MYH11: variants seen among roughly 807,000 people sequenced by gnomAD.
The protein encoded by MYH11 is myosin heavy chain 11, also known as myosin-11.
MYH11 carries 80 observed loss-of-function variants against 246.6 expected under a neutral mutation model. The ratio of observed to expected loss-of-function variants is 0.32; its 90% CI spans 0.27 to 0.39. The LOEUF (loss-of-function observed/expected upper bound fraction) is 0.39, where lower values mean the gene tolerates loss of function less well. Among genes scored for constraint, MYH11 ranks in the 10% least tolerant of loss-of-function variants. The probability of loss-of-function intolerance (pLI) is 1.00; values close to 1 mark genes in which losing one functional copy is unlikely to be tolerated. For missense variants in MYH11, 2,158 were observed against 2,546.8 expected, an observed-to-expected ratio of 0.85 and a Z score of 3.29; for synonymous variants, 1,071 against 1,015.5, an observed-to-expected ratio of 1.05 and a Z score of -1.04.
intron 3 of MYH11, among the ~76,000 whole-genome samples, chr16:15,801,943 C>T (rs761384926): frequency 6.6e-6 from 1 of 151,684 alleles, no homozygotes; most frequent in South Asian, 2.1e-4. Flanking sequence ...GGCAACAGAG[C>T]GAGACTCCAA....
chr16:15,794,488 T>C (rs1353072644), intron 4 of MYH11, among the ~76,000 whole-genome samples: 3 of 152,242 alleles, frequency 2.0e-5, no homozygotes, highest in East Asian at 1.9e-4. Context: ...TTCCTAACAA[T>C]GGCTAAGGCC....
At chr16:15,746,913 C>G (rs572724557) in intron 19 of MYH11, among the ~76,000 whole-genome samples, 1 of 152,238 alleles carries the variant, frequency 6.6e-6, no homozygotes, top group East Asian at 1.9e-4. Flanking sequence ...CATGGTGAAA[C>G]TTTGTCTCTA....
At chr16:15,763,741 T>TGGGGGGCCCCCCCCCCCCCCCCCC in intron 10 of MYH11, 55 bp downstream of exon 10, 1 of 646,858 alleles carries the variant, frequency 1.5e-6, no homozygotes, top group African/African-American at 2.1e-5. Flanking sequence ...AAATGTCACC[T>TGGGGGGCCCCCCCCCCCCCCCCCC]CCCCCACCCC....
intron 40 of MYH11, 29 bp from the exon 41 acceptor site, chr16:15,704,152 A>G: frequency 6.2e-7 from 1 of 1,613,270 alleles, no homozygotes; most frequent in East Asian, 2.2e-5. Context: ...CACATTATTT[A>G]GCAAAGAAAT....
intron 2 of MYH11, among the ~76,000 whole-genome samples, chr16:15,826,418 A>G (rs2043566401): frequency 6.6e-6 from 1 of 151,658 alleles, no homozygotes; most frequent in Non-Finnish European, 1.5e-5. Context: ...TGAGACCCCC[A>G]TCTCTATAAG....
At chr16:15,721,809 C>T in intron 31 of MYH11, 175 bp from the exon 32 acceptor site, 1 of 656,120 alleles carries the variant, frequency 1.5e-6, no homozygotes, top group South Asian at 1.8e-5. Context: ...ACTTCTACAT[C>T]AACCTTATGC....
chr16:15,802,689 C>T (rs974138937), intron 3 of MYH11, among the ~76,000 whole-genome samples: 12 of 152,090 alleles, frequency 7.9e-5, no homozygotes, highest in African/African-American at 2.7e-4. Context: ...GCTCAAGTGA[C>T]CCACCTGCCT....
At chr16:15,718,270 G>C in intron 37 of MYH11, 45 bp downstream of exon 37, 2 of 1,604,942 alleles carry the variant, frequency 1.2e-6, no homozygotes, top group South Asian at 2.2e-5. Flanking sequence ...CCTGCTGCAG[G>C]AGAGACAGTA....
At chr16:15,771,858 C>T (rs546865794) in intron 8 of MYH11, 146 bp from the exon 9 acceptor site, 24 of 1,020,978 alleles carry the variant, frequency 2.4e-5, no homozygotes, top group South Asian at 1.1e-4. Context: ...CGCATCGTCA[C>T]GTAGACAGCC....
At chr16:15,835,095 A>G (rs2043857859) in intron 2 of MYH11, among the ~76,000 whole-genome samples, 2 of 151,004 alleles carry the variant, frequency 1.3e-5, no homozygotes, top group African/African-American at 2.4e-5. Context: ...AAAAAAAAAA[A>G]AGTTATGAGT....
chr16:15,825,447 C>A (rs13337059), intron 2 of MYH11, among the ~76,000 whole-genome samples: 19,973 of 149,958 alleles, frequency 0.13, 1,374 homozygotes, highest in East Asian at 0.14. Context: ...GTCCCAGCTA[C>A]TTGGGAGGCT....
At chr16:15,813,732 C>G (rs2043192236) in intron 3 of MYH11, among the ~76,000 whole-genome samples, 1 of 151,992 alleles carries the variant, frequency 6.6e-6, no homozygotes, top group African/African-American at 2.4e-5. Context: ...GTGGCTCATG[C>G]CTGGAATCCC....
intron 3 of MYH11, among the ~76,000 whole-genome samples, chr16:15,817,762 A>G (rs1191973488): frequency 6.6e-6 from 1 of 151,814 alleles, no homozygotes; most frequent in Non-Finnish European, 1.5e-5. Context: ...ACCCCTCTAA[A>G]CCAGCTCCTG....
chr16:15,794,934 GA>G (rs1263129080), intron 4 of MYH11, among the ~76,000 whole-genome samples: 1 of 152,218 alleles, frequency 6.6e-6, no homozygotes, highest in Non-Finnish European at 1.5e-5. Flanking sequence ...TAAGGAATCT[GA>G]GTTTTATTCT....
At chr16:15,778,888 G>A (rs373717207) in intron 6 of MYH11, 45 bp from the exon 7 acceptor site, 17 of 1,590,162 alleles carry the variant, frequency 1.1e-5, no homozygotes, top group Non-Finnish European at 1.4e-5. Context: ...CCCAACTTCA[G>A]CCGTTAACCC....
At chr16:15,769,885 T>C (rs1338546191) in intron 9 of MYH11, among the ~76,000 whole-genome samples, 1 of 152,160 alleles carries the variant, frequency 6.6e-6, no homozygotes, top group East Asian at 1.9e-4. Context: ...GGTCTCGAAC[T>C]CCTGGGCTCA....
chr16:15,848,873 A>G (rs1252866983), intron 1 of MYH11, among the ~76,000 whole-genome samples: 2 of 152,182 alleles, frequency 1.3e-5, no homozygotes, highest in African/African-American at 4.8e-5. Flanking sequence ...ACACTGGACC[A>G]GAGACGGACC....
chr16:15,830,686 T>G (rs562716369), intron 2 of MYH11, among the ~76,000 whole-genome samples: 1 of 152,218 alleles, frequency 6.6e-6, no homozygotes, highest in Admixed American at 6.5e-5. Context: ...AAGACCAGCC[T>G]GGCTAACATG....
intron 3 of MYH11, among the ~76,000 whole-genome samples, chr16:15,821,903 C>T (rs886526547): frequency 5.5e-5 from 8 of 146,316 alleles, no homozygotes; most frequent in Admixed American, 4.8e-4. Context: ...CCGGCCTGGG[C>T]GACAGAGCGA....
Sources: gnomAD v4.1 joint callset for allele counts (sites outside exome capture counted in the v4.1 genomes callset) on GRCh38, gnomAD v4.1.1 for gene constraint, MANE v1.5 for transcripts, NCBI Gene and HGNC (gene_info 2026-07-23, HGNC 2026-07-21) for gene names.